PDZD2: variants seen among roughly 807,000 people sequenced by gnomAD.
PDZD2 encodes PDZ domain containing 2.
PDZD2 carries 90 observed loss-of-function variants against 220.7 expected under a neutral mutation model. The observed-to-expected ratio is 0.41, with a 90% CI of 0.34 to 0.49. The LOEUF (loss-of-function observed/expected upper bound fraction) is 0.49. Among genes scored for constraint, PDZD2 ranks in the 20% least tolerant of loss-of-function variants. The pLI is 0.28. For missense variants in PDZD2, 3,174 were observed against 3,608.5 expected (o/e 0.88, Z 3.08); for synonymous variants, 1,375 against 1,450.5 (o/e 0.95, Z 1.18).
intron 1 of PDZD2, among the ~76,000 whole-genome samples, chr5:31,651,450 G>A (rs1745345328): frequency 6.6e-6 from 1 of 152,112 alleles, no homozygotes; most frequent in Non-Finnish European, 1.5e-5. Context: ...CATTGTTCCT[G>A]CTAACATGCA....
chr5:31,961,535 AAAAAT>A (rs1160754769), intron 2 of PDZD2, among the ~76,000 whole-genome samples: 2 of 152,178 alleles, frequency 1.3e-5, no homozygotes, highest in African/African-American at 2.4e-5. Context: ...TCCTGTCTCA[AAAAAT>A]AAAATACAAT....
chr5:31,969,359 T>A (rs1407760634), intron 2 of PDZD2, among the ~76,000 whole-genome samples: 4 of 151,018 alleles, frequency 2.6e-5, no homozygotes, highest in Non-Finnish European at 5.9e-5. Context: ...ATACAAAAAA[T>A]TAGCTATTGC....
chr5:31,759,273 C>A (rs373673303), intron 1 of PDZD2, among the ~76,000 whole-genome samples: 13 of 152,234 alleles, frequency 8.5e-5, no homozygotes, highest in African/African-American at 3.1e-4. Flanking sequence ...TAAAAGGATG[C>A]ATTTGAACAG....
chr5:31,655,689 T>C (rs573580518), intron 1 of PDZD2, among the ~76,000 whole-genome samples: 1 of 152,310 alleles, frequency 6.6e-6, no homozygotes, highest in South Asian at 2.1e-4. Flanking sequence ...TTGGTATTTT[T>C]CATTTAAACA....
At chr5:31,827,428 C>T (rs1270047887) in intron 2 of PDZD2, among the ~76,000 whole-genome samples, 2 of 152,070 alleles carry the variant, frequency 1.3e-5, no homozygotes, top group Non-Finnish European at 2.9e-5. Context: ...TGTGGTGGCT[C>T]ATGCCTGTAA....
intron 19 of PDZD2, among the ~76,000 whole-genome samples, chr5:32,080,784 C>T (rs1046810296): frequency 2.6e-5 from 4 of 152,104 alleles, no homozygotes; most frequent in African/African-American, 9.7e-5. Flanking sequence ...AAGAATGGAG[C>T]TGGAAGCCAT....
intron 8 of PDZD2, among the ~76,000 whole-genome samples, chr5:32,051,917 C>G (rs373938046): frequency 6.6e-6 from 1 of 152,116 alleles, no homozygotes; most frequent in East Asian, 1.9e-4. Context: ...TACTTTCTAA[C>G]CATGATGGTG....
At position 32,109,557 on chromosome 5, in the gene PDZD2, AGAG is replaced by A. The variant is rs1303407789; in HGVS notation, c.*1429_*1431del. The A allele has an allele frequency of 5.9e-5, 9 of 152,184 alleles. No homozygotes were observed. Among genetic ancestry groups the A allele is most frequent in the Admixed American group, 1.3e-4 (2 of 15,284 alleles). The allele number at this position is 152,184 out of a possible 1,614,324, so 9.4% of individuals were successfully genotyped here. ...ATTCCAAACTCTCATCGGGTCATAA[AGAG>A]GAGGAGAAACAGGGTGAGTCAAGGT... On this transcript the variant is annotated 3_prime_UTR_variant, in exon 25 of 25. Transcript: ENST00000438447.
rs1222728960 is a variant in PDZD2 at position 32,038,452 on chromosome 5, A to C, written c.1519+1110A>C. On this transcript the variant is annotated intron_variant, in intron 7 of 24. Coordinates refer to ENST00000438447, the MANE Select transcript of PDZD2 (RefSeq NM_178140.4). ...CTTGGGAGACTGAGGCAGGGGAATCACTTGAACCTAGGAGGCTGAGGTTGC... is the reference window on the plus strand; with the variant it reads ...CTTGGGAGACTGAGGCAGGGGAATCCCTTGAACCTAGGAGGCTGAGGTTGC... Among the ~76,000 whole-genome samples the C allele has an allele frequency of 2.0e-5, 3 of 152,042 alleles. No individual in the cohort carries two copies. In the East Asian group the frequency reaches 5.9e-4, roughly 30 times the overall value.
At chr5:31,996,136 C>T (rs1751612232) in intron 4 of PDZD2, among the ~76,000 whole-genome samples, 1 of 152,210 alleles carries the variant, frequency 6.6e-6, no homozygotes, top group Admixed American at 6.5e-5. Flanking sequence ...AGTCCGACCA[C>T]AGTTCATGCA....
intron 1 of PDZD2, among the ~76,000 whole-genome samples, chr5:31,680,179 T>C (rs1470630626): frequency 2.0e-5 from 3 of 152,280 alleles, no homozygotes; most frequent in Admixed American, 1.3e-4. Flanking sequence ...GAAAACTGAA[T>C]GGACGGTGGG....
At chr5:31,936,762 A>G (rs1211274188) in intron 2 of PDZD2, among the ~76,000 whole-genome samples, 1 of 152,166 alleles carries the variant, frequency 6.6e-6, no homozygotes, top group Non-Finnish European at 1.5e-5. Context: ...GGTGCTCACT[A>G]ATTTTTGCTG....
At chr5:31,942,696 CAT>C (rs920187806) in intron 2 of PDZD2, among the ~76,000 whole-genome samples, 1 of 151,994 alleles carries the variant, frequency 6.6e-6, no homozygotes, top group Non-Finnish European at 1.5e-5. Flanking sequence ...CTTTTGTAAA[CAT>C]GTGGTCCAAA....
chr5:32,081,402 A>G (rs1010997222), intron 19 of PDZD2, among the ~76,000 whole-genome samples: 3 of 152,232 alleles, frequency 2.0e-5, no homozygotes, highest in African/African-American at 7.2e-5. Context: ...TTTAGTTAAC[A>G]TGTCAAAACA....
chr5:31,669,991 A>G (rs1746153716), intron 1 of PDZD2, among the ~76,000 whole-genome samples: 1 of 152,208 alleles, frequency 6.6e-6, no homozygotes, highest in African/African-American at 2.4e-5. Context: ...GGCACTATTA[A>G]TGTTCCCATT....
rs546373869 is a variant in PDZD2 at position 31,676,680 on chromosome 5, G to A, written c.-361+37243G>A. On this transcript the variant is annotated intron_variant, in intron 1 of 24. Coordinates refer to ENST00000438447, the MANE Select transcript of PDZD2 (RefSeq NM_178140.4). ...GCGATTCTCCCTCCCTCAGCCTCCC[G>A]AGTAGCTGGGATTACAGGCATCCAC... is the stretch of plus-strand genomic sequence containing the variant. Among the ~76,000 whole-genome samples, 10 of 148,982 alleles carry A rather than the reference G, an allele frequency of 6.7e-5. No homozygotes were observed. In the East Asian group the frequency reaches 1.8e-3, roughly 27 times the overall value.
Position 32,048,605 on chromosome 5 carries a change from G to C in PDZD2, c.1586G>C (p.Arg529Pro), listed in dbSNP as rs780255341. 1 of 1,614,018 alleles carries C rather than the reference G, an allele frequency of 6.2e-7. No individual in the cohort carries two copies. The highest frequency in any genetic ancestry group is 2.2e-5 in the East Asian group (1 of 44,878). ...CTGATGGTGCGGAATGGGGACCCCC[G>C]GATCCGGATGTTGGAGGTCTCCCGA... The part of the protein sequence containing the change: ...NELMVRNGDP[R>P]IRMLEVSRDG... Residue 529 changes from arginine (R) to proline (P), a missense_variant, in exon 8 of 25, where the codon CGG becomes CCG. Transcript: ENST00000438447.
At chr5:31,858,125 C>CT (rs765496788) in intron 2 of PDZD2, among the ~76,000 whole-genome samples, 1 of 151,954 alleles carries the variant, frequency 6.6e-6, no homozygotes, top group Non-Finnish European at 1.5e-5. Flanking sequence ...CGCACCTGGC[C>CT]TTTTTTTGTG....
At chr5:31,961,174 G>A (rs1355969221) in intron 2 of PDZD2, among the ~76,000 whole-genome samples, 1 of 152,158 alleles carries the variant, frequency 6.6e-6, no homozygotes, top group East Asian at 1.9e-4. Flanking sequence ...GTCCCACAAA[G>A]CAGGGAAAAG....
Sources: allele counts gnomAD v4.1 joint callset (sites outside exome capture counted in the v4.1 genomes callset), GRCh38; gene constraint gnomAD v4.1.1; transcripts MANE v1.5; gene names NCBI Gene and HGNC (gene_info 2026-07-23, HGNC 2026-07-21).